Variants in ANKRD30B observed in about 807,000 individuals in gnomAD.
ANKRD30B encodes ankyrin repeat domain-containing protein 30B.
A neutral mutation model predicts 202.2 loss-of-function variants in ANKRD30B; 144 were observed. The observed-to-expected ratio is 0.71, with a 90% CI of 0.62 to 0.82. ANKRD30B has a LOEUF of 0.82. ANKRD30B is among the 40% of genes least tolerant of loss of function. The pLI is 0.00. For missense variants in ANKRD30B, 1,487 were observed against 1,669.1 expected (o/e 0.89, Z 1.90); for synonymous variants, 508 against 561.3 (o/e 0.91, Z 1.34).
the ANKRD30B span, among the ~76,000 whole-genome samples, chr18:14,868,541 T>C: frequency 6.6e-6 from 1 of 152,278 alleles, no homozygotes; most frequent in African/African-American, 2.4e-5. Flanking sequence ...GCAAGCTGTG[T>C]GTTGGAGGGA....
At chr18:14,860,524 C>A in the ANKRD30B span, among the ~76,000 whole-genome samples, 1 of 146,898 alleles carries the variant, frequency 6.8e-6, no homozygotes, top group Non-Finnish European at 1.5e-5. Context: ...GGGCTCCCCA[C>A]TTCCCAGACA....
chr18:14,882,663 A>C, the ANKRD30B span, among the ~76,000 whole-genome samples: 26,589 of 151,606 alleles, frequency 0.18, 2,538 homozygotes, highest in East Asian at 0.27. Context: ...TTCTTTGTTG[A>C]CTTTCTGTCT....
downstream of ANKRD30B, among the ~76,000 whole-genome samples, chr18:14,858,708 T>A: frequency 6.9e-6 from 1 of 145,394 alleles, no homozygotes; most frequent in African/African-American, 2.5e-5. Flanking sequence ...GCAGAGGCAC[T>A]CCTCACCTCC....
At chr18:14,869,972 A>G in the ANKRD30B span, among the ~76,000 whole-genome samples, 1 of 151,230 alleles carries the variant, frequency 6.6e-6, no homozygotes, top group African/African-American at 2.4e-5. Context: ...AGTAGCTGGT[A>G]TTACAGGCAC....
chr18:14,795,488 C>A (rs1299787605), intron 16 of ANKRD30B, among the ~76,000 whole-genome samples: 1 of 152,184 alleles, frequency 6.6e-6, no homozygotes, highest in Non-Finnish European at 1.5e-5. Context: ...TGAGCCATGC[C>A]ACCTGGACTG....
intron 6 of ANKRD30B, among the ~76,000 whole-genome samples, chr18:14,762,007 T>C (rs1915335175): frequency 6.6e-6 from 1 of 152,218 alleles, no homozygotes; most frequent in African/African-American, 2.4e-5. Context: ...ACATAGTTTC[T>C]ATTTTATATG....
the ANKRD30B span, among the ~76,000 whole-genome samples, chr18:14,936,059 C>T: frequency 1.3e-5 from 2 of 152,334 alleles, no homozygotes; most frequent in African/African-American, 4.8e-5. Context: ...GGAACCTGAG[C>T]GCTTGAAGAG....
intron 4 of ANKRD30B, among the ~76,000 whole-genome samples, chr18:14,756,522 G>T (rs557360433): frequency 6.6e-6 from 1 of 152,302 alleles, no homozygotes; most frequent in South Asian, 2.1e-4. Context: ...TTCTTCTAGA[G>T]TTTTTATGGT....
intron 6 of ANKRD30B, among the ~76,000 whole-genome samples, chr18:14,761,199 G>T (rs1368816563): frequency 6.6e-5 from 10 of 152,034 alleles, no homozygotes; most frequent in Admixed American, 5.2e-4. Context: ...AACCTGCGGG[G>T]GTCTATCCTG....
chr18:14,753,422 T>C (rs1465603101), intron 3 of ANKRD30B, among the ~76,000 whole-genome samples: 2 of 152,162 alleles, frequency 1.3e-5, no homozygotes, highest in Non-Finnish European at 2.9e-5. Flanking sequence ...ATATGACTGT[T>C]TGGTATGCTA....
chr18:14,872,660 A>G, the ANKRD30B span, among the ~76,000 whole-genome samples: 1 of 151,952 alleles, frequency 6.6e-6, no homozygotes. Flanking sequence ...ACTGAGTCAG[A>G]TTTTTGCCAC....
At chr18:14,929,930 C>T in the ANKRD30B span, among the ~76,000 whole-genome samples, 16 of 152,242 alleles carry the variant, frequency 1.1e-4, no homozygotes, top group African/African-American at 3.9e-4. Flanking sequence ...GAAAATGAGG[C>T]AGCCAGATGG....
intron 30 of ANKRD30B, among the ~76,000 whole-genome samples, chr18:14,817,639 T>C (rs1970185677): frequency 6.6e-6 from 1 of 152,234 alleles, no homozygotes; most frequent in Admixed American, 6.5e-5. Flanking sequence ...TACATATTCA[T>C]TTCCTATCTC....
intron 39 of ANKRD30B, among the ~76,000 whole-genome samples, chr18:14,845,348 A>G (rs539079440): frequency 5.6e-4 from 85 of 152,412 alleles, no homozygotes; most frequent in African/African-American, 2.0e-3. Context: ...TTAAATAGGG[A>G]ATTCTTTTCA....
chr18:14,888,579 T>C, the ANKRD30B span: 1 of 367,600 alleles, frequency 2.7e-6, no homozygotes, highest in Non-Finnish European at 4.9e-6. Flanking sequence ...GCTTGATCAG[T>C]TTTTCAGTAG....
chr18:14,919,511 G>A, the ANKRD30B span, among the ~76,000 whole-genome samples: 2,574 of 152,192 alleles, frequency 0.017, 30 homozygotes, highest in Non-Finnish European at 0.027. Flanking sequence ...CTCCCATGAG[G>A]GACAAGAGAT....
At chr18:14,843,711 G>T (rs1310693082) in intron 39 of ANKRD30B, among the ~76,000 whole-genome samples, 1 of 151,970 alleles carries the variant, frequency 6.6e-6, no homozygotes, top group African/African-American at 2.4e-5. Context: ...GGAGAATGGC[G>T]TGAACCCTGG....
intron 24 of ANKRD30B, among the ~76,000 whole-genome samples, chr18:14,805,334 G>A (rs1969441111): frequency 1.3e-5 from 2 of 150,778 alleles, no homozygotes; most frequent in Admixed American, 6.6e-5. Flanking sequence ...TATTTAATAA[G>A]TCTGTTGAAA....
At chr18:14,794,969 T>G (rs149368321) in intron 16 of ANKRD30B, among the ~76,000 whole-genome samples, 2,193 of 152,324 alleles carry the variant, frequency 0.014, 59 homozygotes, top group African/African-American at 0.051. Flanking sequence ...TGTCTGTTTT[T>G]TCTTGAAGCT....
Sources: allele counts gnomAD v4.1 joint callset (sites outside exome capture counted in the v4.1 genomes callset), GRCh38; gene constraint gnomAD v4.1.1; transcripts MANE v1.5; gene names NCBI Gene and HGNC (gene_info 2026-07-23, HGNC 2026-07-21).